MAF: variants seen among roughly 807,000 people sequenced by gnomAD.
MAF encodes the protein MAF bZIP transcription factor, also known as transcription factor Maf.
A neutral mutation model predicts 22.0 loss-of-function variants in MAF; 10 were observed. The observed-to-expected ratio is 0.45, with a 90% confidence interval of 0.28 to 0.77. The LOEUF (loss-of-function observed/expected upper bound fraction) is 0.77. Among genes scored for constraint, MAF ranks in the 30% least tolerant of loss-of-function variants. MAF has a pLI of 0.12. For synonymous variants in MAF, 337 were observed against 255.8 expected, an observed-to-expected ratio of 1.32 and a Z score of -3.03; for missense variants, 544 against 548.4, an observed-to-expected ratio of 0.99 and a Z score of 0.08.
At chr16:79,278,387 C>A in the MAF span, among the ~76,000 whole-genome samples, 1 of 152,332 alleles carries the variant, frequency 6.6e-6, no homozygotes, top group African/African-American at 2.4e-5. Flanking sequence ...GAAGCGAAAT[C>A]CCTGTGACTT....
the MAF span, among the ~76,000 whole-genome samples, chr16:79,494,491 G>C: frequency 6.6e-6 from 1 of 152,038 alleles, no homozygotes; most frequent in Non-Finnish European, 1.5e-5. Flanking sequence ...ACCCAAGACA[G>C]TTTCTCCACT....
chr16:79,457,112 G>A, the MAF span, among the ~76,000 whole-genome samples: 2 of 152,106 alleles, frequency 1.3e-5, no homozygotes, highest in East Asian at 1.9e-4. Flanking sequence ...GTGTTGATTT[G>A]TCTTCCTCAT....
At chr16:79,369,785 G>A in the MAF span, among the ~76,000 whole-genome samples, 1 of 152,252 alleles carries the variant, frequency 6.6e-6, no homozygotes, top group Non-Finnish European at 1.5e-5. Flanking sequence ...GGCTTGGCAT[G>A]CAGTGGCATT....
chr16:79,564,259 T>G, the MAF span, among the ~76,000 whole-genome samples: 1 of 152,232 alleles, frequency 6.6e-6, no homozygotes, highest in Non-Finnish European at 1.5e-5. Flanking sequence ...TATTTCTTGG[T>G]CCTAGGAAGT....
the MAF span, among the ~76,000 whole-genome samples, chr16:79,412,266 A>G: frequency 0.63 from 96,159 of 151,980 alleles, 31,447 homozygotes; most frequent in East Asian, 0.9. Flanking sequence ...GTTCAGATAA[A>G]GGGCCAGTTG....
chr16:79,588,513 C>T (rs1231943764), intron 1 of MAF, among the ~76,000 whole-genome samples: 1 of 152,096 alleles, frequency 6.6e-6, no homozygotes, highest in Non-Finnish European at 1.5e-5. Context: ...GGGCTTACTG[C>T]AACCTCCGCC....
the MAF span, among the ~76,000 whole-genome samples, chr16:79,550,808 G>A: frequency 6.6e-6 from 1 of 152,110 alleles, no homozygotes; most frequent in Admixed American, 6.6e-5. Flanking sequence ...CTGTATGTAG[G>A]TTCCCAACCA....
the MAF span, among the ~76,000 whole-genome samples, chr16:79,254,734 C>A: frequency 6.6e-6 from 1 of 152,144 alleles, no homozygotes; most frequent in African/African-American, 2.4e-5. Flanking sequence ...AGTTTGTCAC[C>A]TTTACACCAA....
At chr16:79,442,918 CCA>C in the MAF span, among the ~76,000 whole-genome samples, 1 of 152,152 alleles carries the variant, frequency 6.6e-6, no homozygotes, top group South Asian at 2.1e-4. Context: ...CAGACTTAAT[CCA>C]CACTGATTTT....
chr16:79,535,283 G>C, the MAF span, among the ~76,000 whole-genome samples: 109 of 151,800 alleles, frequency 7.2e-4, no homozygotes, highest in African/African-American at 2.6e-3. Context: ...ATGGCGCCTC[G>C]GTTTTCTGAT....
chr16:79,521,109 T>A, the MAF span, among the ~76,000 whole-genome samples: 1 of 152,142 alleles, frequency 6.6e-6, no homozygotes, highest in East Asian at 1.9e-4. Flanking sequence ...CAAGAATGCA[T>A]CGAAAGCGCT....
the MAF span, among the ~76,000 whole-genome samples, chr16:79,579,724 T>C: frequency 6.6e-6 from 1 of 152,264 alleles, no homozygotes; most frequent in African/African-American, 2.4e-5. Context: ...TCCTGACAAA[T>C]TCACAATGAA....
At chr16:79,587,959 C>T (rs1052830638) in intron 1 of MAF, among the ~76,000 whole-genome samples, 1 of 151,726 alleles carries the variant, frequency 6.6e-6, no homozygotes, top group African/African-American at 2.4e-5. Flanking sequence ...TTTCAGACCA[C>T]TTACTGGGGA....
At chr16:79,585,873 G>T in exon 2 of MAF, 1 of 653,870 alleles carries the variant, frequency 1.5e-6, no homozygotes, top group Admixed American at 2.8e-5. Context: ...CAAAAATCAA[G>T]ATGTACCTCT....
chr16:79,535,586 C>CT, the MAF span, among the ~76,000 whole-genome samples: 22,297 of 130,218 alleles, frequency 0.17, 2,634 homozygotes, highest in African/African-American at 0.29. Flanking sequence ...ATTGCTTCTT[C>CT]TTTTTTTTTT....
the MAF span, among the ~76,000 whole-genome samples, chr16:79,251,316 C>CTTTTT: frequency 3.8e-5 from 5 of 131,718 alleles, no homozygotes; most frequent in African/African-American, 5.8e-5. Flanking sequence ...AAGTCTTTAT[C>CTTTTT]TTTTTTTTTT....
At chr16:79,364,694 T>A in the MAF span, among the ~76,000 whole-genome samples, 2 of 152,138 alleles carry the variant, frequency 1.3e-5, no homozygotes, top group Non-Finnish European at 1.5e-5. Context: ...TCTGAGAGCA[T>A]TCATATGATT....
the MAF span, among the ~76,000 whole-genome samples, chr16:79,466,322 A>G: frequency 1.3e-5 from 2 of 152,220 alleles, no homozygotes; most frequent in African/African-American, 2.4e-5. Context: ...AGGATGACTC[A>G]TGGGTTTAAA....
the MAF span, among the ~76,000 whole-genome samples, chr16:79,481,879 T>C: frequency 6.6e-6 from 1 of 152,306 alleles, no homozygotes; most frequent in East Asian, 1.9e-4. Flanking sequence ...AAGGTGTTAC[T>C]TCAACAGCAC....
Sources: gnomAD v4.1 joint callset for allele counts (sites outside exome capture counted in the v4.1 genomes callset) on GRCh38, gnomAD v4.1.1 for gene constraint, MANE v1.5 for transcripts, NCBI Gene and HGNC (gene_info 2026-07-23, HGNC 2026-07-21) for gene names.